Variants in PDE11A observed in about 807,000 individuals in gnomAD.
The protein encoded by PDE11A is phosphodiesterase 11A.
In PDE11A, 100 loss-of-function variants were observed where a neutral mutation model predicts 100.5. The observed-to-expected ratio is 1.00, with a 90% CI of 0.85 to 1.18. The LOEUF (loss-of-function observed/expected upper bound fraction) is 1.18. Among genes scored for constraint, PDE11A ranks in the 50% most tolerant of loss-of-function variants. The pLI, the probability that PDE11A is intolerant of heterozygous loss-of-function variation, is 0.00. For missense variants in PDE11A, 1,141 were observed against 1,152.6 expected (o/e 0.99, Z 0.15); for synonymous variants, 381 against 420.8 (o/e 0.91, Z 1.16).
At chr2:177,645,844 C>G (rs1918345) in intron 19 of PDE11A, among the ~76,000 whole-genome samples, 127,105 of 152,258 alleles carry the variant, frequency 0.83, 53,533 homozygotes, top group East Asian at 0.98. Context: ...GCTAATTATA[C>G]TATTAGTAAT....
intron 5 of PDE11A, among the ~76,000 whole-genome samples, chr2:177,851,949 GTCCATGTGTTCTCA>G (rs1339073696): frequency 3.9e-5 from 6 of 151,986 alleles, no homozygotes; most frequent in Non-Finnish European, 8.8e-5. Flanking sequence ...CCCTCTAGGT[GTCCATGTGTTCTCA>G]TCATTTAGCT....
At chr2:177,943,898 T>C (rs2085373647) in intron 2 of PDE11A, among the ~76,000 whole-genome samples, 1 of 152,228 alleles carries the variant, frequency 6.6e-6, no homozygotes, top group South Asian at 2.1e-4. Context: ...GGTTAAGTTT[T>C]GTGTAAGGTG....
chr2:177,647,679 C>T (rs16865508), intron 19 of PDE11A, among the ~76,000 whole-genome samples: 8,421 of 152,194 alleles, frequency 0.055, 339 homozygotes, highest in East Asian at 0.19. Context: ...CCCAATGTCC[C>T]GGATCTACAG....
intron 19 of PDE11A, among the ~76,000 whole-genome samples, chr2:177,662,724 A>G (rs2080501963): frequency 6.6e-6 from 1 of 152,222 alleles, no homozygotes; most frequent in Non-Finnish European, 1.5e-5. Flanking sequence ...TTATTTTAAA[A>G]CTTTACCTGA....
At chr2:177,872,501 G>A (rs78377007) in intron 5 of PDE11A, among the ~76,000 whole-genome samples, 1,594 of 152,252 alleles carry the variant, frequency 0.01, 42 homozygotes, top group African/African-American at 0.037. Flanking sequence ...CAGAAGTGAT[G>A]AGTCAGCAAA....
chr2:177,827,395 C>T (rs35391362), intron 6 of PDE11A, among the ~76,000 whole-genome samples: 15,615 of 152,238 alleles, frequency 0.1, 1,126 homozygotes, highest in Non-Finnish European at 0.15. Flanking sequence ...ACCACCAAAT[C>T]CATCCATGCA....
chr2:177,830,958 T>C (rs895800990), intron 6 of PDE11A, among the ~76,000 whole-genome samples: 6 of 152,222 alleles, frequency 3.9e-5, no homozygotes, highest in Non-Finnish European at 8.8e-5. Context: ...CTCACAAATG[T>C]AGTTCTAGCT....
In PDE11A at chr2:177,919,130, C is replaced by T. The variant is rs1321653635; in HGVS notation, c.1072-13943G>A. On this transcript the variant is annotated intron_variant, in intron 2 of 19. Coordinates refer to ENST00000286063, the MANE Select transcript of PDE11A (RefSeq NM_016953.4). ...TTTTTTTTTTTGAGACAGAGTCTCG[C>T]TTTGTTGCCCAGGCTGGAGTGCAGT... Among the ~76,000 whole-genome samples the T allele has an allele frequency of 4.7e-5, 7 of 149,526 alleles. 1 individual carries two copies. Among genetic ancestry groups the T allele is most frequent in the Middle Eastern group, 3.2e-3 (1 of 314 alleles).
intron 2 of PDE11A, among the ~76,000 whole-genome samples, chr2:178,083,824 T>G (rs1326665283): frequency 1.3e-5 from 2 of 152,212 alleles, no homozygotes; most frequent in African/African-American, 2.4e-5. Context: ...CTGACAAAAT[T>G]TTTTAGTGAC....
At chr2:177,761,599 G>A (rs757933973) in intron 10 of PDE11A, among the ~76,000 whole-genome samples, 13 of 152,150 alleles carry the variant, frequency 8.5e-5, no homozygotes, top group Non-Finnish European at 1.5e-4. Flanking sequence ...TGATGAATAT[G>A]GTAGGAAGAA....
At chr2:178,062,240 G>A (rs1246672291) in intron 1 of PDE11A, among the ~76,000 whole-genome samples, 1 of 151,818 alleles carries the variant, frequency 6.6e-6, no homozygotes, top group Non-Finnish European at 1.5e-5. Context: ...TGATAAAAAG[G>A]AGGGCTATGG....
intron 2 of PDE11A, among the ~76,000 whole-genome samples, chr2:177,942,699 G>A (rs541324910): frequency 6.8e-4 from 104 of 151,960 alleles, no homozygotes; most frequent in African/African-American, 2.1e-3. Flanking sequence ...CACCGCACCC[G>A]GCTAAATTTT....
At chr2:177,648,811 A>T (rs1182352294) in intron 19 of PDE11A, among the ~76,000 whole-genome samples, 1 of 152,100 alleles carries the variant, frequency 6.6e-6, no homozygotes, top group Non-Finnish European at 1.5e-5. Context: ...TCAAAAACTG[A>T]TGTGAAGAAA....
chr2:177,678,063 C>T (rs2080806451), intron 16 of PDE11A: 1 of 152,216 alleles, frequency 6.6e-6, no homozygotes, highest in Non-Finnish European at 1.5e-5. Context: ...AAATATGACA[C>T]TTTGCAGTTT....
chr2:177,785,231 T>C (rs1228554761), intron 9 of PDE11A, among the ~76,000 whole-genome samples: 2 of 152,146 alleles, frequency 1.3e-5, no homozygotes, highest in African/African-American at 2.4e-5. Flanking sequence ...CAGAGCAAGT[T>C]ACAGCACTCC....
intron 2 of PDE11A, chr2:177,998,018 T>C: frequency 8.0e-7 from 1 of 1,249,356 alleles, no homozygotes. Flanking sequence ...GAATGGACAG[T>C]TTTAGAGAAG....
intron 8 of PDE11A, among the ~76,000 whole-genome samples, chr2:177,817,140 T>A (rs980826909): frequency 3.9e-5 from 6 of 152,204 alleles, no homozygotes; most frequent in African/African-American, 1.4e-4. Context: ...GAATTTAATG[T>A]CATTGTAGAG....
At chr2:177,971,173 G>T (rs957460326) in intron 2 of PDE11A, among the ~76,000 whole-genome samples, 5 of 152,088 alleles carry the variant, frequency 3.3e-5, no homozygotes, top group African/African-American at 1.2e-4. Flanking sequence ...CATTAGCAAG[G>T]CCTTAGGCAA....
intron 2 of PDE11A, among the ~76,000 whole-genome samples, chr2:178,078,953 A>G (rs1224168218): frequency 1.3e-5 from 2 of 152,204 alleles, no homozygotes; most frequent in East Asian, 3.8e-4. Flanking sequence ...AACTGACAAT[A>G]CAAGATACCA....
Sources: gnomAD v4.1 joint callset for allele counts (sites outside exome capture counted in the v4.1 genomes callset) on GRCh38, gnomAD v4.1.1 for gene constraint, MANE v1.5 for transcripts, NCBI Gene and HGNC (gene_info 2026-07-23, HGNC 2026-07-21) for gene names.